Variants in BAZ1A observed in about 807,000 individuals in gnomAD.
BAZ1A encodes bromodomain adjacent to zinc finger domain 1A.
BAZ1A carries 50 observed loss-of-function variants against 185.2 expected under a neutral mutation model. The ratio of observed to expected loss-of-function variants is 0.27; its 90% CI spans 0.22 to 0.34. BAZ1A has a LOEUF of 0.34. Among genes scored for constraint, BAZ1A ranks in the 10% least tolerant of loss-of-function variants. The pLI is 1.00. For synonymous variants in BAZ1A, 571 were observed against 615.6 expected (o/e 0.93, Z 1.07); for missense variants, 1,356 against 1,839.9 (o/e 0.74, Z 4.81).
At chr14:34,765,304 G>A (rs1933445537) in intron 21 of BAZ1A, 36 bp from the exon 22 acceptor site, 4 of 1,601,218 alleles carry the variant, frequency 2.5e-6, no homozygotes, top group South Asian at 2.2e-5. Flanking sequence ...CAATTTTTTA[G>A]GCAAACCTAG....
At chr14:34,840,969 A>G (rs77945277) in intron 3 of BAZ1A, among the ~76,000 whole-genome samples, 725 of 150,808 alleles carry the variant, frequency 4.8e-3, no homozygotes, top group Non-Finnish European at 7.6e-3. Flanking sequence ...TTTTTTTGAG[A>G]TGGAGTTTCG....
chr14:34,754,113 G>A (rs979539679), intron 26 of BAZ1A, among the ~76,000 whole-genome samples: 12 of 151,314 alleles, frequency 7.9e-5, no homozygotes, highest in South Asian at 2.1e-4. Flanking sequence ...ATAGTGGGGC[G>A]TGGTGGCGGG....
intron 14 of BAZ1A, among the ~76,000 whole-genome samples, chr14:34,785,046 G>T (rs1594836455): frequency 6.6e-6 from 1 of 151,992 alleles, no homozygotes; most frequent in East Asian, 1.9e-4. Flanking sequence ...AGTAAAGATG[G>T]TGTTTCACCA....
chr14:34,771,477 C>A, intron 21 of BAZ1A, 34 bp downstream of exon 21: 1 of 1,580,696 alleles, frequency 6.3e-7, no homozygotes, highest in Non-Finnish European at 8.6e-7. Context: ...ACTTATAACA[C>A]AACTAATATT....
At chr14:34,806,763 T>C (rs1174542516) in intron 6 of BAZ1A, among the ~76,000 whole-genome samples, 1 of 151,910 alleles carries the variant, frequency 6.6e-6, no homozygotes. Context: ...TATTATATTA[T>C]TTTGAGACAG....
intron 16 of BAZ1A, among the ~76,000 whole-genome samples, chr14:34,782,784 A>C (rs1566558631): frequency 6.6e-6 from 1 of 152,230 alleles, no homozygotes; most frequent in Non-Finnish European, 1.5e-5. Context: ...ATATTCTAAA[A>C]TGCAATAAAA....
chr14:34,763,997 A>G (rs1294087591), intron 23 of BAZ1A, among the ~76,000 whole-genome samples: 1 of 152,166 alleles, frequency 6.6e-6, no homozygotes, highest in African/African-American at 2.4e-5. Flanking sequence ...CGGAGGTTCA[A>G]GTAAGGGGAG....
At chr14:34,765,571 A>G (rs1326911783) in intron 21 of BAZ1A, among the ~76,000 whole-genome samples, 4 of 152,232 alleles carry the variant, frequency 2.6e-5, no homozygotes, top group Non-Finnish European at 5.9e-5. Flanking sequence ...TCAAATCTTG[A>G]GCTAATTTTA....
intron 3 of BAZ1A, among the ~76,000 whole-genome samples, chr14:34,837,097 G>A (rs1381673336): frequency 6.6e-6 from 1 of 151,484 alleles, no homozygotes; most frequent in African/African-American, 2.4e-5. Flanking sequence ...ATTTTTAACT[G>A]TTCTGAGACC....
intron 12 of BAZ1A, chr14:34,786,531 C>T (rs943750933): frequency 8.7e-6 from 2 of 229,526 alleles, no homozygotes; most frequent in East Asian, 2.3e-4. Context: ...CAAATCTCCT[C>T]ACTCAATATA....
intron 2 of BAZ1A, among the ~76,000 whole-genome samples, chr14:34,868,070 C>T (rs564473794): frequency 3.9e-5 from 6 of 152,282 alleles, no homozygotes; most frequent in African/African-American, 1.4e-4. Context: ...TTTATGACTG[C>T]GCTCTTTCAA....
In BAZ1A at chr14:34,792,809, T is replaced by G. The variant is rs1880938668; in HGVS notation, c.1476A>C (p.Val492=). The G allele has an allele frequency of 6.2e-7, 1 of 1,614,036 alleles. No homozygotes were observed. Among genetic ancestry groups the G allele is most frequent in the Non-Finnish European group, 8.5e-7 (1 of 1,179,998 alleles). ...CAGCATCAGTTAGTTGCTCTTTGGC[T>G]ACTTCCTCTTCTTCTTCAGCTATTG... ...FQAIAEEEEE[V]AKEQLTDADT... Residue 492 remains valine (V), a synonymous_variant, in exon 12 of 27, where the codon GTA becomes GTC. Coordinates refer to ENST00000360310, the MANE Select transcript of BAZ1A (RefSeq NM_013448.3).
At chr14:34,831,959 C>T (rs2042248257) in intron 3 of BAZ1A, among the ~76,000 whole-genome samples, 1 of 151,862 alleles carries the variant, frequency 6.6e-6, no homozygotes, top group Non-Finnish European at 1.5e-5. Flanking sequence ...CTTTGGCAGG[C>T]TGAGGAAGGG....
Position 34,771,667 on chromosome 14 carries a change from T to G in BAZ1A, c.3153-8A>C. Reference sequence around the variant, plus strand: ...GTTTTTATCCCCAAAAGTCTACAATTAAAACAATTAAGAGTTTATGGTACT... The same window carrying G: ...GTTTTTATCCCCAAAAGTCTACAATGAAAACAATTAAGAGTTTATGGTACT... On this transcript the variant is annotated splice_region_variant and splice_polypyrimidine_tract_variant and intron_variant, in intron 20 of 26. Transcript: ENST00000360310. The G allele has an allele frequency of 1.2e-6, 2 of 1,609,980 alleles. No homozygotes were observed. Among genetic ancestry groups the G allele is most frequent in the African/African-American group, 1.3e-5 (1 of 74,808 alleles).
chr14:34,829,762 T>C (rs1326818555), intron 3 of BAZ1A, among the ~76,000 whole-genome samples: 1 of 152,160 alleles, frequency 6.6e-6, no homozygotes, highest in African/African-American at 2.4e-5. Context: ...TTTTTATGGT[T>C]CAAAATCTTA....
At chr14:34,767,878 A>G (rs956688745) in intron 21 of BAZ1A, among the ~76,000 whole-genome samples, 5 of 152,194 alleles carry the variant, frequency 3.3e-5, no homozygotes, top group Non-Finnish European at 7.3e-5. Flanking sequence ...TTTTTAATGC[A>G]AAGGTTGGTG....
chr14:34,760,835 G>A (rs1886491016), intron 24 of BAZ1A, among the ~76,000 whole-genome samples: 2 of 150,924 alleles, frequency 1.3e-5, no homozygotes, highest in African/African-American at 2.4e-5. Flanking sequence ...CTGAGTGACT[G>A]GTATAATTAA....
chr14:34,836,015 G>T (rs554163712), intron 3 of BAZ1A, among the ~76,000 whole-genome samples: 2 of 151,618 alleles, frequency 1.3e-5, no homozygotes, highest in African/African-American at 4.9e-5. Flanking sequence ...TATACCTTCC[G>T]CTAAAAAGCT....
At chr14:34,836,492 G>A (rs533688225) in intron 3 of BAZ1A, among the ~76,000 whole-genome samples, 1 of 151,202 alleles carries the variant, frequency 6.6e-6, no homozygotes, top group South Asian at 2.1e-4. Flanking sequence ...TAACAGCAAA[G>A]GGAAAGAAGA....
Sources: allele counts gnomAD v4.1 joint callset (sites outside exome capture counted in the v4.1 genomes callset), GRCh38; gene constraint gnomAD v4.1.1; transcripts MANE v1.5; gene names NCBI Gene and HGNC (gene_info 2026-07-23, HGNC 2026-07-21).